The following SGMS1 variants were observed in gnomAD, a reference collection of about 807,000 sequenced individuals.
SGMS1 encodes sphingomyelin synthase 1.
Under a neutral mutation model 46.2 loss-of-function variants are expected in SGMS1, and 13 were observed. The ratio of observed to expected loss-of-function variants is 0.28; its 90% CI spans 0.18 to 0.45. SGMS1 has a LOEUF of 0.45. SGMS1 is among the 20% of genes least tolerant of loss of function. SGMS1 has a pLI of 1.00. For missense variants in SGMS1, 324 were observed against 519.9 expected (o/e 0.62, Z 3.66); for synonymous variants, 203 against 187.8 (o/e 1.08, Z -0.66).
In SGMS1 at chr10:50,622,494, C is replaced by T. The variant is rs943471969; in HGVS notation, c.-684+1213G>A. On this transcript the variant is annotated intron_variant, in intron 1 of 10. Coordinates refer to ENST00000361781, the MANE Select transcript of SGMS1 (RefSeq NM_147156.4). ...CATCCAGGGAGCCAACTAGAAACAT[C>T]CCCAAACCTAAAAGCAAAATAACCT... Among the ~76,000 whole-genome samples, 10 of 152,204 alleles carry T rather than the reference C, an allele frequency of 6.6e-5. 1 individual carries two copies. The highest frequency in any genetic ancestry group is 6.5e-4 in the Admixed American group (10 of 15,280).
At chr10:50,616,262 A>T (rs554811184) in intron 1 of SGMS1, among the ~76,000 whole-genome samples, 3 of 152,224 alleles carry the variant, frequency 2.0e-5, no homozygotes, top group African/African-American at 7.2e-5. Context: ...CTGGGACTAC[A>T]GGTGCACACC....
chr10:50,483,688 A>G (rs1837496227), intron 3 of SGMS1, among the ~76,000 whole-genome samples: 1 of 152,188 alleles, frequency 6.6e-6, no homozygotes. Context: ...ATCATAACAA[A>G]CAGTCTCTCA....
chr10:50,400,768 T>C (rs867204183), intron 6 of SGMS1, among the ~76,000 whole-genome samples: 2 of 152,176 alleles, frequency 1.3e-5, no homozygotes, highest in South Asian at 4.1e-4. Flanking sequence ...GTTCCTTTAC[T>C]ACCTGTTCAA....
chr10:50,447,239 T>C (rs1837029825), intron 5 of SGMS1, among the ~76,000 whole-genome samples: 1 of 152,186 alleles, frequency 6.6e-6, no homozygotes, highest in Non-Finnish European at 1.5e-5. Context: ...GTCTTATTCA[T>C]TCTAAAATAC....
chr10:50,563,002 T>C (rs1453531058), intron 2 of SGMS1, among the ~76,000 whole-genome samples: 1 of 152,158 alleles, frequency 6.6e-6, no homozygotes. Flanking sequence ...GCTCTTCCTG[T>C]AAAAAGAAAA....
At chr10:50,517,313 A>G (rs1458413653) in intron 3 of SGMS1, among the ~76,000 whole-genome samples, 1 of 152,198 alleles carries the variant, frequency 6.6e-6, no homozygotes, top group African/African-American at 2.4e-5. Context: ...AAAATGAGCA[A>G]GCAAAATGAA....
At chr10:50,609,727 T>C (rs375344647) in intron 1 of SGMS1, among the ~76,000 whole-genome samples, 7 of 152,242 alleles carry the variant, frequency 4.6e-5, no homozygotes, top group Admixed American at 6.5e-5. Flanking sequence ...GGATGAATAA[T>C]GACCTTGATT....
chr10:50,311,065 G>A (rs769925515), intron 9 of SGMS1, among the ~76,000 whole-genome samples, 197 bp downstream of exon 9: 2 of 152,144 alleles, frequency 1.3e-5, no homozygotes, highest in African/African-American at 4.8e-5. Flanking sequence ...AGGACACCTC[G>A]TCCTCAGGAA....
chr10:50,538,578 A>C (rs1031552212), intron 2 of SGMS1, among the ~76,000 whole-genome samples: 3 of 152,066 alleles, frequency 2.0e-5, no homozygotes, highest in African/African-American at 7.3e-5. Context: ...TTAGCATCCC[A>C]CACCCTCAGG....
At chr10:50,377,976 C>T (rs565886230) in intron 6 of SGMS1, among the ~76,000 whole-genome samples, 2 of 152,312 alleles carry the variant, frequency 1.3e-5, no homozygotes, top group African/African-American at 4.8e-5. Flanking sequence ...GCAGGATAAG[C>T]TCCTCTTCTC....
chr10:50,481,904 A>G (rs1238766370), intron 3 of SGMS1, among the ~76,000 whole-genome samples: 2 of 152,252 alleles, frequency 1.3e-5, no homozygotes, highest in Non-Finnish European at 2.9e-5. Context: ...AGCCGAATAG[A>G]CCAGCAGAAG....
chr10:50,514,266 T>C (rs373076066), intron 3 of SGMS1, among the ~76,000 whole-genome samples: 2 of 152,200 alleles, frequency 1.3e-5, no homozygotes, highest in South Asian at 4.1e-4. Flanking sequence ...CTACCTACCA[T>C]GTATACCAAA....
At position 50,337,173 on chromosome 10, in the gene SGMS1, A is replaced by T. The variant is rs77588846; in HGVS notation, c.623+6319T>A. On this transcript the variant is annotated intron_variant, in intron 7 of 10. Transcript: ENST00000361781. Reference sequence around the variant, plus strand: ...AGTTTCATACATGGATGGAGTTTAGACAACACATTTTCAAAAACTGAGATG... The same window carrying T: ...AGTTTCATACATGGATGGAGTTTAGTCAACACATTTTCAAAAACTGAGATG... 9.6e-4 allele frequency among the ~76,000 whole-genome samples: 146 copies of T among 152,342 alleles called. 2 individuals are homozygous for T. In the East Asian group the frequency reaches 0.027, roughly 28 times the overall value.
At chr10:50,326,883 C>T (rs1233847342) in intron 8 of SGMS1, among the ~76,000 whole-genome samples, 2 of 152,102 alleles carry the variant, frequency 1.3e-5, no homozygotes, top group African/African-American at 4.8e-5. Context: ...CGAGCTCTCC[C>T]TCCGAGGGAG....
At chr10:50,308,759 G>A (rs1847212602) in intron 9 of SGMS1, among the ~76,000 whole-genome samples, 1 of 152,172 alleles carries the variant, frequency 6.6e-6, no homozygotes. Flanking sequence ...AATTACCTGA[G>A]AAAAACATCA....
At chr10:50,610,334 T>C (rs868794366) in intron 1 of SGMS1, among the ~76,000 whole-genome samples, 4 of 152,196 alleles carry the variant, frequency 2.6e-5, no homozygotes, top group Admixed American at 2.0e-4. Flanking sequence ...TCATAAAAAA[T>C]GGGCCTTTTA....
At chr10:50,598,478 T>TA in intron 1 of SGMS1, among the ~76,000 whole-genome samples, 1 of 152,318 alleles carries the variant, frequency 6.6e-6, no homozygotes, top group Non-Finnish European at 1.5e-5. Context: ...TTTTAAAATT[T>TA]AAAAATTACT....
rs192293195 is a variant in SGMS1, at chr10:50,330,399, C to T, written c.624-3077G>A. ...ACTCTGGAGGCTGCAGTGGGAGGATCGCCGGAGCCTGGGAGTTAGAGGCTA... is the reference window on the plus strand; with the variant it reads ...ACTCTGGAGGCTGCAGTGGGAGGATTGCCGGAGCCTGGGAGTTAGAGGCTA... On this transcript the variant is annotated intron_variant, in intron 7 of 10. Coordinates refer to ENST00000361781, the MANE Select transcript of SGMS1 (RefSeq NM_147156.4). 1.8e-3 allele frequency among the ~76,000 whole-genome samples: 277 copies of T among 152,244 alleles called. 1 individual carries two copies. The highest frequency in any genetic ancestry group is 4.0e-3 in the Admixed American group (61 of 15,288).
intron 1 of SGMS1, among the ~76,000 whole-genome samples, chr10:50,599,699 T>C (rs1313042285): frequency 6.6e-6 from 1 of 151,848 alleles, no homozygotes; most frequent in African/African-American, 2.4e-5. Flanking sequence ...CCCGTCTCTA[T>C]TAAAAATACA....
Sources: gnomAD v4.1 joint callset for allele counts (sites outside exome capture counted in the v4.1 genomes callset) on GRCh38, gnomAD v4.1.1 for gene constraint, MANE v1.5 for transcripts, NCBI Gene and HGNC (gene_info 2026-07-23, HGNC 2026-07-21) for gene names.